Variants in TTC39B observed in about 807,000 individuals in gnomAD.
TTC39B encodes the protein tetratricopeptide repeat domain 39B, also known as tetratricopeptide repeat protein 39B.
In TTC39B, 92 loss-of-function variants were observed where a neutral mutation model predicts 96.6. That is an observed-to-expected ratio of 0.95 (90% confidence interval 0.80 to 1.13). The LOEUF (loss-of-function observed/expected upper bound fraction) is 1.13. Ranked by LOEUF, TTC39B falls within the 50% of genes most tolerant of loss-of-function variation. The pLI is 0.00. For missense variants in TTC39B, 955 were observed against 809.3 expected (o/e 1.18, Z -2.18); for synonymous variants, 367 against 299.4 (o/e 1.23, Z -2.33).
intron 1 of TTC39B, among the ~76,000 whole-genome samples, chr9:15,284,957 T>G (rs1052946255): frequency 6.6e-6 from 1 of 152,220 alleles, no homozygotes; most frequent in South Asian, 2.1e-4. Context: ...CAGCTAAATT[T>G]GTTTTATAAC....
chr9:15,205,835 G>A (rs1030098126), intron 6 of TTC39B, among the ~76,000 whole-genome samples: 7 of 152,084 alleles, frequency 4.6e-5, no homozygotes, highest in East Asian at 1.9e-4. Context: ...TGGGGGAGCC[G>A]GGGCGGAGGG....
At chr9:15,292,711 T>C (rs1416013538) in intron 1 of TTC39B, among the ~76,000 whole-genome samples, 1 of 152,106 alleles carries the variant, frequency 6.6e-6, no homozygotes, top group Non-Finnish European at 1.5e-5. Flanking sequence ...ATGTCTTAGT[T>C]CTTAAAAAAA....
intron 1 of TTC39B, among the ~76,000 whole-genome samples, chr9:15,276,769 T>C (rs1014380386): frequency 1.6e-4 from 24 of 152,244 alleles, no homozygotes; most frequent in African/African-American, 5.5e-4. Context: ...TTCAATCCTC[T>C]ACTTCCTGTT....
chr9:15,285,549 T>C (rs1411532693), intron 1 of TTC39B, among the ~76,000 whole-genome samples: 1 of 152,164 alleles, frequency 6.6e-6, no homozygotes, highest in African/African-American at 2.4e-5. Context: ...TTAAGAATTG[T>C]TTTAATTTTT....
intron 8 of TTC39B, among the ~76,000 whole-genome samples, chr9:15,197,884 G>C (rs750646028): frequency 6.6e-6 from 1 of 152,090 alleles, no homozygotes; most frequent in Non-Finnish European, 1.5e-5. Context: ...GAATACTATA[G>C]TTAGCAAAAA....
At chr9:15,185,303 C>G (rs1818457961) in exon 16 of TTC39B, 2 of 1,613,010 alleles carry the variant, frequency 1.2e-6, no homozygotes, top group South Asian at 1.1e-5. Flanking sequence ...ATGAGCTTCA[C>G]AGGTGCAGGT....
At chr9:15,210,206 A>C (rs755757396) in intron 5 of TTC39B, 42 bp from the exon 6 acceptor site, 21 of 1,363,252 alleles carry the variant, frequency 1.5e-5, no homozygotes, top group Non-Finnish European at 2.0e-5. Context: ...AATAGAAAAA[A>C]AAAATCAGGC....
chr9:15,194,494 G>A (rs1461846828), intron 8 of TTC39B, among the ~76,000 whole-genome samples: 1 of 152,104 alleles, frequency 6.6e-6, no homozygotes, highest in Non-Finnish European at 1.5e-5. Flanking sequence ...CACACATGCT[G>A]TCTCTTTCAA....
At chr9:15,189,656 C>G (rs369001548) in intron 12 of TTC39B, 23 bp from the exon 13 acceptor site, 2 of 1,614,096 alleles carry the variant, frequency 1.2e-6, no homozygotes, top group Non-Finnish European at 1.7e-6. Flanking sequence ...GAAGAAAACA[C>G]ACTGTTCAAC....
intron 2 of TTC39B, among the ~76,000 whole-genome samples, chr9:15,247,669 C>G (rs1822340114): frequency 1.3e-5 from 2 of 152,102 alleles, no homozygotes; most frequent in African/African-American, 4.8e-5. Flanking sequence ...GCAATCCTGT[C>G]CTTTCTAAAG....
chr9:15,222,163 G>C (rs1019199514), intron 3 of TTC39B, among the ~76,000 whole-genome samples: 3 of 152,154 alleles, frequency 2.0e-5, no homozygotes, highest in African/African-American at 7.2e-5. Context: ...AGAGGGAATG[G>C]TACAGATGTG....
chr9:15,270,634 A>C (rs991997709), intron 1 of TTC39B, among the ~76,000 whole-genome samples: 1 of 151,672 alleles, frequency 6.6e-6, no homozygotes, highest in Admixed American at 6.6e-5. Flanking sequence ...AAAAAAGAAT[A>C]TCAAGCCAGG....
At chr9:15,194,692 A>C (rs1263044758) in intron 8 of TTC39B, among the ~76,000 whole-genome samples, 1 of 152,206 alleles carries the variant, frequency 6.6e-6, no homozygotes, top group Non-Finnish European at 1.5e-5. Flanking sequence ...ATTCTCATAA[A>C]ATTTCCAAAC....
At chr9:15,199,861 T>C (rs1314701325) in exon 8 of TTC39B, 2 of 1,506,218 alleles carry the variant, frequency 1.3e-6, no homozygotes, top group Admixed American at 3.6e-5. Context: ...TTTAACTTAC[T>C]TATATATTTG....
intron 2 of TTC39B, among the ~76,000 whole-genome samples, chr9:15,244,791 C>T (rs1432631413): frequency 6.6e-6 from 1 of 152,186 alleles, no homozygotes; most frequent in Non-Finnish European, 1.5e-5. Flanking sequence ...AGATGTAGAG[C>T]AAATACAGGT....
chr9:15,212,533 C>G (rs1820265941), intron 4 of TTC39B, among the ~76,000 whole-genome samples: 1 of 152,230 alleles, frequency 6.6e-6, no homozygotes, highest in Non-Finnish European at 1.5e-5. Context: ...TCAAGTGATT[C>G]TCCTGCCTCG....
chr9:15,214,408 T>C (rs1820396276), intron 3 of TTC39B, among the ~76,000 whole-genome samples, 159 bp from the exon 4 acceptor site: 1 of 151,612 alleles, frequency 6.6e-6, no homozygotes, highest in Admixed American at 6.6e-5. Context: ...ACAGGCTGGT[T>C]ATACATAGGA....
At chr9:15,220,895 C>T (rs183581725) in intron 3 of TTC39B, among the ~76,000 whole-genome samples, 14 of 152,122 alleles carry the variant, frequency 9.2e-5, no homozygotes, top group African/African-American at 2.7e-4. Context: ...TGAACACACC[C>T]GATCTTGTCT....
intron 7 of TTC39B, among the ~76,000 whole-genome samples, chr9:15,203,541 G>C (rs908818805): frequency 6.6e-6 from 1 of 151,898 alleles, no homozygotes; most frequent in Non-Finnish European, 1.5e-5. Flanking sequence ...GATTACAGGC[G>C]TGAGCCACCC....
Sources: allele counts gnomAD v4.1 joint callset (sites outside exome capture counted in the v4.1 genomes callset), GRCh38; gene constraint gnomAD v4.1.1; transcripts MANE v1.5; gene names NCBI Gene and HGNC (gene_info 2026-07-23, HGNC 2026-07-21).